Variants in FSTL4 observed in about 807,000 individuals in gnomAD.
The protein encoded by FSTL4 is follistatin like 4.
FSTL4 carries 28 observed loss-of-function variants against 78.2 expected under a neutral mutation model. That is an observed-to-expected ratio of 0.36 (90% CI 0.27 to 0.49). FSTL4 has a LOEUF of 0.49. Among genes scored for constraint, FSTL4 ranks in the 20% least tolerant of loss-of-function variants. The pLI, the probability that FSTL4 is intolerant of heterozygous loss-of-function variation, is 0.98. For missense variants in FSTL4, 922 were observed against 1,084.9 expected, an observed-to-expected ratio of 0.85 and a Z score of 2.11; for synonymous variants, 422 against 440.5, an observed-to-expected ratio of 0.96 and a Z score of 0.53.
the FSTL4 span, among the ~76,000 whole-genome samples, chr5:133,693,787 G>GTTTA: frequency 1.3e-5 from 2 of 152,292 alleles, no homozygotes; most frequent in East Asian, 3.9e-4. Flanking sequence ...TCTAAAGGTT[G>GTTTA]GAGACCCTGG....
chr5:133,268,548 C>G (rs1752693841), intron 6 of FSTL4, among the ~76,000 whole-genome samples: 1 of 152,192 alleles, frequency 6.6e-6, no homozygotes, highest in African/African-American at 2.4e-5. Context: ...GGAGGCCCGG[C>G]TCATTTGTCT....
chr5:133,331,681 T>G (rs1394253494), intron 4 of FSTL4, among the ~76,000 whole-genome samples: 1 of 152,170 alleles, frequency 6.6e-6, no homozygotes, highest in Admixed American at 6.5e-5. Context: ...CAGAGAAATT[T>G]CCTGAGGTTT....
At chr5:133,256,141 C>A (rs995632680) in intron 6 of FSTL4, among the ~76,000 whole-genome samples, 1 of 152,134 alleles carries the variant, frequency 6.6e-6, no homozygotes, top group Non-Finnish European at 1.5e-5. Context: ...TTTGACTGAG[C>A]CTCGGAGGGC....
chr5:133,686,726 AAGGAT>A, the FSTL4 span, among the ~76,000 whole-genome samples: 2 of 152,222 alleles, frequency 1.3e-5, no homozygotes, highest in Non-Finnish European at 2.9e-5. Flanking sequence ...TCAGAGTTAC[AAGGAT>A]AGAATAAAAC....
At chr5:133,416,432 T>G (rs1044178442) in intron 3 of FSTL4, among the ~76,000 whole-genome samples, 1 of 152,250 alleles carries the variant, frequency 6.6e-6, no homozygotes, top group African/African-American at 2.4e-5. Flanking sequence ...TAGTTAATTC[T>G]GATTACAGAA....
chr5:133,466,196 TC>T (rs1307308992), intron 3 of FSTL4, among the ~76,000 whole-genome samples: 1 of 152,228 alleles, frequency 6.6e-6, no homozygotes, highest in Non-Finnish European at 1.5e-5. Flanking sequence ...ATCTCTCTCT[TC>T]CCCAGGGTTC....
At chr5:133,754,921 T>A in the FSTL4 span, among the ~76,000 whole-genome samples, 1 of 152,092 alleles carries the variant, frequency 6.6e-6, no homozygotes, top group African/African-American at 2.4e-5. Context: ...TTAGCCTGGG[T>A]TCCTTCGTGT....
intron 6 of FSTL4, among the ~76,000 whole-genome samples, chr5:133,302,073 C>T (rs909995492): frequency 6.6e-6 from 1 of 151,900 alleles, no homozygotes; most frequent in Non-Finnish European, 1.5e-5. Flanking sequence ...TAGTTACGAG[C>T]GTTCGCTTGT....
Position 133,361,043 on chromosome 5 carries a change from G to T in FSTL4, c.409+39695C>A, listed in dbSNP as rs144769903. ...TCTCTTCTTGGAGTTTACAAACCTC[G>T]AAATTCTGCTCTGAGCAAGAAACCC... On this transcript the variant is annotated intron_variant, in intron 4 of 15. Coordinates refer to ENST00000265342, the MANE Select transcript of FSTL4 (RefSeq NM_015082.2). This position sits in a 1 kb window ranked among gnomAD's most constrained non-coding sequence, Gnocchi z 4.3. Among the ~76,000 whole-genome samples, 520 of 152,212 alleles carry T rather than the reference G, an allele frequency of 3.4e-3. 5 individuals are homozygous for T. The highest frequency in any genetic ancestry group is 0.012 in the African/African-American group (496 of 41,528).
chr5:133,633,778 G>A, the FSTL4 span, among the ~76,000 whole-genome samples: 1 of 152,074 alleles, frequency 6.6e-6, no homozygotes, highest in Non-Finnish European at 1.5e-5. Flanking sequence ...ACTCTAGTAG[G>A]AGAAGGGACA....
chr5:133,518,923 G>T (rs979307019), intron 3 of FSTL4, among the ~76,000 whole-genome samples: 1 of 152,272 alleles, frequency 6.6e-6, no homozygotes, highest in Middle Eastern at 3.4e-3. Flanking sequence ...ACCCCCCATG[G>T]AATGCATTAA....
At chr5:133,522,200 T>C (rs909783903) in intron 3 of FSTL4, among the ~76,000 whole-genome samples, 5 of 152,106 alleles carry the variant, frequency 3.3e-5, no homozygotes, top group Admixed American at 2.6e-4. Flanking sequence ...GGACCACCGA[T>C]AGTGCAATTC....
At chr5:133,217,553 T>C (rs1225354546) in intron 12 of FSTL4, among the ~76,000 whole-genome samples, 175 bp from the exon 13 acceptor site, 2 of 152,138 alleles carry the variant, frequency 1.3e-5, no homozygotes, top group Non-Finnish European at 2.9e-5. Context: ...CACTTAACAT[T>C]CCTTTAATCT....
At chr5:133,473,605 A>C (rs1461600879) in intron 3 of FSTL4, among the ~76,000 whole-genome samples, 1 of 152,204 alleles carries the variant, frequency 6.6e-6, no homozygotes, top group Non-Finnish European at 1.5e-5. Flanking sequence ...AGTCTTCCAC[A>C]TTTGGAATCT....
intron 3 of FSTL4, among the ~76,000 whole-genome samples, chr5:133,432,188 A>C (rs961512990): frequency 1.3e-5 from 2 of 152,230 alleles, no homozygotes; most frequent in African/African-American, 4.8e-5. Context: ...ACAGAGGCTC[A>C]GAGAGGTTGT....
chr5:133,773,408 C>G, the FSTL4 span, among the ~76,000 whole-genome samples: 1 of 152,124 alleles, frequency 6.6e-6, no homozygotes, highest in Non-Finnish European at 1.5e-5. Flanking sequence ...TATGGGTTTC[C>G]TTCACCTCTG....
the FSTL4 span, among the ~76,000 whole-genome samples, chr5:133,772,666 G>A: frequency 1.3e-5 from 2 of 152,136 alleles, no homozygotes; most frequent in Non-Finnish European, 2.9e-5. Context: ...ACATGTGCAC[G>A]AGAGAGCCAG....
rs775989692 is a variant in FSTL4, at chr5:133,531,279, C to A, written c.160+35907G>T. On this transcript the variant is annotated intron_variant, in intron 3 of 15. Coordinates refer to ENST00000265342, the MANE Select transcript of FSTL4 (RefSeq NM_015082.2). ...GGAAGAATGTGCTGACCCCGTCCCC[C>A]AGTGGTATGAGTGAGGCATGAAAGG... is the stretch of plus-strand genomic sequence containing the variant. Among the ~76,000 whole-genome samples the A allele has an allele frequency of 8.5e-4, 129 of 152,160 alleles. 2 individuals are homozygous for A. The highest frequency in any genetic ancestry group is 4.6e-4 in the Non-Finnish European group (31 of 68,022).
chr5:133,411,456 T>A (rs982899470), intron 3 of FSTL4, among the ~76,000 whole-genome samples: 1 of 152,102 alleles, frequency 6.6e-6, no homozygotes, highest in Non-Finnish European at 1.5e-5. Context: ...GTTAAGAATA[T>A]CAGGGCAATT....
Sources: gnomAD v4.1 joint callset for allele counts (sites outside exome capture counted in the v4.1 genomes callset) on GRCh38, gnomAD v4.1.1 for gene constraint, Gnocchi (gnomAD v3.1) non-coding constraint, MANE v1.5 for transcripts, NCBI Gene and HGNC (gene_info 2026-07-23, HGNC 2026-07-21) for gene names.